The following DLG2 variants were observed in gnomAD, a reference collection of about 807,000 sequenced individuals.
DLG2 encodes disks large homolog 2.
DLG2 carries 45 observed loss-of-function variants against 132.5 expected under a neutral mutation model. The ratio of observed to expected loss-of-function variants is 0.34; its 90% CI spans 0.27 to 0.44. The LOEUF is 0.44. Ranked by LOEUF, DLG2 falls within the 20% of genes least tolerant of loss-of-function variation. The probability of loss-of-function intolerance (pLI) is 1.00; values close to 1 mark genes in which losing one functional copy is unlikely to be tolerated. For missense variants in DLG2, 1,045 were observed against 1,196.9 expected, an observed-to-expected ratio of 0.87 and a Z score of 1.87; for synonymous variants, 424 against 419.6, an observed-to-expected ratio of 1.01 and a Z score of -0.13.
In DLG2 at chr11:85,506,946, G is replaced by A. The variant is rs865990652; in HGVS notation, c.40+91711C>T. ...TTTAGGATAGTTAGTTCTTCTTGTCGAATTGATCCCTTTACCATTATGTAA... is the reference window on the plus strand; with the variant it reads ...TTTAGGATAGTTAGTTCTTCTTGTCAAATTGATCCCTTTACCATTATGTAA... On this transcript the variant is annotated intron_variant, in intron 3 of 27. Coordinates refer to ENST00000376104, the MANE Select transcript of DLG2 (RefSeq NM_001142699.3). 4.5e-4 allele frequency among the ~76,000 whole-genome samples: 68 copies of A among 152,290 alleles called. 1 individual carries two copies. Among genetic ancestry groups the A allele is most frequent in the Admixed American group, 2.4e-3 (36 of 15,294 alleles).
chr11:84,632,864 G>T (rs894089459), intron 6 of DLG2, among the ~76,000 whole-genome samples: 1 of 152,092 alleles, frequency 6.6e-6, no homozygotes, highest in African/African-American at 2.4e-5. Flanking sequence ...TTTACTGCAC[G>T]CAAGCTCCTG....
chr11:85,146,729 G>C (rs2076887065), intron 5 of DLG2, among the ~76,000 whole-genome samples: 1 of 152,166 alleles, frequency 6.6e-6, no homozygotes, highest in Non-Finnish European at 1.5e-5. Flanking sequence ...GTGACAACTA[G>C]TGTCTCACTG....
chr11:83,507,398 G>GATAT (rs35883560), intron 21 of DLG2, among the ~76,000 whole-genome samples: 1 of 144,454 alleles, frequency 6.9e-6, no homozygotes, highest in African/African-American at 2.5e-5. Context: ...GAACAAATAG[G>GATAT]ATATATATAT....
At chr11:84,412,694 T>A (rs2098913269) in intron 7 of DLG2, among the ~76,000 whole-genome samples, 1 of 152,162 alleles carries the variant, frequency 6.6e-6, no homozygotes, top group African/African-American at 2.4e-5. Context: ...TGTTCCCAGT[T>A]TGCTCTGGTG....
intron 10 of DLG2, among the ~76,000 whole-genome samples, chr11:84,063,232 C>G (rs185462445): frequency 7.9e-5 from 12 of 152,328 alleles, no homozygotes; most frequent in Admixed American, 3.9e-4. Flanking sequence ...CAGTATTCAT[C>G]TGCAGCAATT....
chr11:84,226,320 C>G (rs1170152684), intron 8 of DLG2, among the ~76,000 whole-genome samples: 1 of 152,114 alleles, frequency 6.6e-6, no homozygotes, highest in East Asian at 1.9e-4. Context: ...TCTGTTAATT[C>G]AGCTCTTCAG....
chr11:85,480,646 C>A (rs1597748812), intron 3 of DLG2, among the ~76,000 whole-genome samples: 1 of 152,056 alleles, frequency 6.6e-6, no homozygotes, highest in South Asian at 2.1e-4. Context: ...ACTATTTTTC[C>A]ACCAGAACAT....
chr11:83,485,217 G>A (rs991116759), intron 21 of DLG2, among the ~76,000 whole-genome samples: 9 of 152,014 alleles, frequency 5.9e-5, no homozygotes, highest in African/African-American at 1.9e-4. Flanking sequence ...TACATAATAC[G>A]ATACAGGCAT....
At chr11:83,499,337 C>T (rs2138919717) in intron 21 of DLG2, among the ~76,000 whole-genome samples, 1 of 152,122 alleles carries the variant, frequency 6.6e-6, no homozygotes, top group Admixed American at 6.5e-5. Flanking sequence ...CTTAACATTC[C>T]TATGTTGTTT....
At chr11:83,526,605 G>A (rs2095615917) in intron 21 of DLG2, among the ~76,000 whole-genome samples, 1 of 152,150 alleles carries the variant, frequency 6.6e-6, no homozygotes, top group Non-Finnish European at 1.5e-5. Context: ...ACCTGGTCTG[G>A]TTGGTCACAA....
At chr11:84,502,268 T>A (rs1266215291) in intron 7 of DLG2, among the ~76,000 whole-genome samples, 1 of 47,860 alleles carries the variant, frequency 2.1e-5, no homozygotes, top group East Asian at 4.0e-4. Context: ...CCTTCCTTCC[T>A]TCCTTCCTTC....
At chr11:83,737,909 G>T (rs1311424977) in intron 18 of DLG2, among the ~76,000 whole-genome samples, 1 of 152,092 alleles carries the variant, frequency 6.6e-6, no homozygotes, top group Admixed American at 6.6e-5. Flanking sequence ...TATTCTTTTG[G>T]TGATGCTGCC....
intron 19 of DLG2, 129 bp from the exon 20 acceptor site, chr11:83,541,987 C>A (rs939064818): frequency 1.1e-5 from 9 of 834,824 alleles, no homozygotes; most frequent in Admixed American, 3.3e-5. Context: ...CGGAATGATT[C>A]CCTGGATCAC....
At chr11:83,540,729 A>G (rs2096042462) in intron 20 of DLG2, among the ~76,000 whole-genome samples, 1 of 152,204 alleles carries the variant, frequency 6.6e-6, no homozygotes, top group African/African-American at 2.4e-5. Flanking sequence ...CACTGGGAAT[A>G]TTTTACAAAG....
intron 6 of DLG2, among the ~76,000 whole-genome samples, chr11:84,641,294 G>C (rs575546913): frequency 1.4e-4 from 22 of 152,298 alleles, no homozygotes; most frequent in African/African-American, 4.8e-4. Context: ...GGGTTATGTT[G>C]AAGATGACAT....
At chr11:83,816,336 C>T (rs2048913602) in intron 17 of DLG2, among the ~76,000 whole-genome samples, 1 of 152,126 alleles carries the variant, frequency 6.6e-6, no homozygotes, top group South Asian at 2.1e-4. Context: ...TAAACTGGTA[C>T]AATTAATTTT....
intron 19 of DLG2, among the ~76,000 whole-genome samples, chr11:83,586,300 T>G (rs936484054): frequency 6.6e-6 from 1 of 152,262 alleles, no homozygotes; most frequent in African/African-American, 2.4e-5. Flanking sequence ...AGAATCTTTT[T>G]GTGTTCTATT....
At chr11:84,130,430 G>C (rs1401079431) in intron 9 of DLG2, among the ~76,000 whole-genome samples, 2 of 149,990 alleles carry the variant, frequency 1.3e-5, no homozygotes, top group East Asian at 1.9e-4. Context: ...GCTACACAGG[G>C]TGATCTGTCA....
At chr11:84,119,927 C>G (rs1595654802) in intron 9 of DLG2, among the ~76,000 whole-genome samples, 1 of 152,136 alleles carries the variant, frequency 6.6e-6, no homozygotes, top group South Asian at 2.1e-4. Context: ...TGACTTTGTA[C>G]TGGAACATTT....
Sources: gnomAD v4.1 joint callset for allele counts (sites outside exome capture counted in the v4.1 genomes callset) on GRCh38, gnomAD v4.1.1 for gene constraint, MANE v1.5 for transcripts, NCBI Gene and HGNC (gene_info 2026-07-23, HGNC 2026-07-21) for gene names.